NTM: variants seen among roughly 807,000 people sequenced by gnomAD.
NTM encodes IgLON family member 2.
A neutral mutation model predicts 42.1 loss-of-function variants in NTM; 13 were observed. The observed-to-expected ratio is 0.31, with a 90% confidence interval of 0.20 to 0.49. NTM has a LOEUF of 0.49. Among genes scored for constraint, NTM ranks in the 20% least tolerant of loss-of-function variants. The pLI, the probability that NTM is intolerant of heterozygous loss-of-function variation, is 0.99. For synonymous variants in NTM, 187 were observed against 179.2 expected (o/e 1.04, Z -0.35); for missense variants, 373 against 452.8 (o/e 0.82, Z 1.60).
At chr11:131,417,491 G>A (rs1233046467) in intron 1 of NTM, among the ~76,000 whole-genome samples, 1 of 152,174 alleles carries the variant, frequency 6.6e-6, no homozygotes, top group Non-Finnish European at 1.5e-5. Flanking sequence ...TAGCCCTATA[G>A]GTATAGGGAA....
chr11:131,942,748 C>A (rs930368391), intron 2 of NTM, among the ~76,000 whole-genome samples: 1 of 151,948 alleles, frequency 6.6e-6, no homozygotes, highest in African/African-American at 2.4e-5. Context: ...GAGTTTGAGA[C>A]CAGCCTGGCC....
chr11:131,554,545 C>CAA (rs1178033877), intron 1 of NTM, among the ~76,000 whole-genome samples: 78 of 106,940 alleles, frequency 7.3e-4, no homozygotes, highest in African/African-American at 1.4e-3. Context: ...CACACATCTA[C>CAA]AAAAAAAAAA....
intron 7 of NTM, among the ~76,000 whole-genome samples, chr11:132,319,732 G>GACTT (rs2095517260): frequency 6.6e-6 from 1 of 152,256 alleles, no homozygotes; most frequent in Non-Finnish European, 1.5e-5. Flanking sequence ...AACCTCTGCA[G>GACTT]ACTTAAATGT....
chr11:131,590,590 A>G (rs555868301), intron 1 of NTM, among the ~76,000 whole-genome samples: 1 of 152,324 alleles, frequency 6.6e-6, no homozygotes, highest in Non-Finnish European at 1.5e-5. Context: ...ATGTCCCAAT[A>G]TCAGGCCACT....
chr11:131,545,293 T>G (rs1035524801), intron 1 of NTM, among the ~76,000 whole-genome samples: 3 of 152,040 alleles, frequency 2.0e-5, no homozygotes, highest in African/African-American at 2.4e-5. Flanking sequence ...CTTTGTCTTT[T>G]TCTTTTTCTT....
At chr11:131,453,615 C>T (rs1391502503) in intron 1 of NTM, among the ~76,000 whole-genome samples, 2 of 152,066 alleles carry the variant, frequency 1.3e-5, no homozygotes, top group African/African-American at 2.4e-5. Flanking sequence ...CCACAAGGAG[C>T]CTTCTGGAAT....
At position 131,485,505 on chromosome 11, in the gene NTM, C is replaced by A. The variant is rs1450554744; in HGVS notation, c.82+114617C>A. Among the ~76,000 whole-genome samples, 3 of 152,166 alleles carry A rather than the reference C, an allele frequency of 2.0e-5. No individual in the cohort carries two copies. In the East Asian group the frequency reaches 5.8e-4, roughly 29 times the overall value. On this transcript the variant is annotated intron_variant, in intron 1 of 8. Coordinates refer to ENST00000683400, the MANE Select transcript of NTM (RefSeq NM_001352005.2). The stretch of plus-strand genomic sequence containing the variant: ...AGGTCAAAAGACAAATACAAAAGTG[C>A]AATGTCCCAGAGCCCCTGAAAAAGC...
chr11:131,933,260 G>A (rs2058834985), intron 2 of NTM, among the ~76,000 whole-genome samples: 2 of 152,128 alleles, frequency 1.3e-5, no homozygotes, highest in Admixed American at 1.3e-4. Flanking sequence ...AGGGAGGTGG[G>A]TGCCTGCCCT....
rs146735741 is a variant in NTM, at chr11:132,311,538, T to C, written c.782+1306T>C. 3.3e-4 allele frequency among the ~76,000 whole-genome samples: 51 copies of C among 152,294 alleles called. No individual in the cohort carries two copies. In the East Asian group the frequency reaches 6.8e-3, roughly 20 times the overall value. ...GACTGGAGCGTGTTTTTCTGATAAA[T>C]ATGGTTTCCTTACTTAGAAATTCTG... is the stretch of plus-strand genomic sequence containing the variant. On this transcript the variant is annotated intron_variant, in intron 6 of 8. Coordinates refer to ENST00000683400, the MANE Select transcript of NTM (RefSeq NM_001352005.2).
chr11:131,453,851 G>A (rs919717228), intron 1 of NTM, among the ~76,000 whole-genome samples: 5 of 152,316 alleles, frequency 3.3e-5, no homozygotes, highest in East Asian at 1.9e-4. Context: ...CAGCAGGCTC[G>A]GGGAAGGAGG....
intron 3 of NTM, among the ~76,000 whole-genome samples, chr11:132,205,307 G>T (rs2081821815): frequency 1.3e-5 from 2 of 152,086 alleles, no homozygotes; most frequent in Admixed American, 1.3e-4. Flanking sequence ...ATCCTGATTT[G>T]GATTTAATAG....
intron 1 of NTM, among the ~76,000 whole-genome samples, chr11:131,499,206 T>C (rs1033444966): frequency 1.3e-5 from 2 of 152,208 alleles, no homozygotes; most frequent in Non-Finnish European, 2.9e-5. Context: ...GAGTGAGTGA[T>C]GTGGCAGACA....
chr11:131,919,443 G>A (rs2056903531), intron 2 of NTM, among the ~76,000 whole-genome samples: 1 of 152,162 alleles, frequency 6.6e-6, no homozygotes, highest in Admixed American at 6.5e-5. Context: ...AAGGGAGAAG[G>A]AAGCAACGGG....
chr11:131,372,206 G>T (rs1941307401), intron 1 of NTM, among the ~76,000 whole-genome samples: 1 of 152,182 alleles, frequency 6.6e-6, no homozygotes, highest in African/African-American at 2.4e-5. Flanking sequence ...CTTGACTGGG[G>T]CTCGATGAAG....
At chr11:131,487,863 G>A (rs977284177) in intron 1 of NTM, among the ~76,000 whole-genome samples, 13 of 152,194 alleles carry the variant, frequency 8.5e-5, no homozygotes, top group Non-Finnish European at 1.9e-4. Context: ...GAGAAGGGAC[G>A]GAATGGGGAA....
At chr11:131,512,836 A>G (rs1022477935) in intron 1 of NTM, among the ~76,000 whole-genome samples, 1 of 152,130 alleles carries the variant, frequency 6.6e-6, no homozygotes, top group Non-Finnish European at 1.5e-5. Flanking sequence ...TGGTTCCTGA[A>G]GGGACAGCCC....
intron 2 of NTM, among the ~76,000 whole-genome samples, chr11:132,124,476 C>T (rs1591660578): frequency 1.3e-5 from 2 of 152,376 alleles, no homozygotes; most frequent in East Asian, 3.9e-4. Context: ...TACTTCTCTT[C>T]ACCTGTCCAG....
At chr11:131,873,615 A>G (rs1319124942) in intron 1 of NTM, among the ~76,000 whole-genome samples, 6 of 60,832 alleles carry the variant, frequency 9.9e-5, no homozygotes, top group Non-Finnish European at 2.0e-4. Context: ...TATATACCGT[A>G]TATATATACA....
chr11:131,726,133 C>A (rs1297848292), intron 1 of NTM, among the ~76,000 whole-genome samples: 1 of 152,164 alleles, frequency 6.6e-6, no homozygotes, highest in African/African-American at 2.4e-5. Flanking sequence ...ATGAGAAAAG[C>A]AGACTGGTTG....
Sources: allele counts gnomAD v4.1 joint callset (sites outside exome capture counted in the v4.1 genomes callset), GRCh38; gene constraint gnomAD v4.1.1; transcripts MANE v1.5; gene names NCBI Gene and HGNC (gene_info 2026-07-23, HGNC 2026-07-21).